The following FTSJ3 variants were observed in gnomAD, a reference collection of about 807,000 sequenced individuals.
FTSJ3 encodes FtsJ RNA 2'-O-methyltransferase 3.
A neutral mutation model predicts 111.5 loss-of-function variants in FTSJ3; 46 were observed. The observed-to-expected ratio is 0.41, with a 90% CI of 0.33 to 0.53. The LOEUF is 0.53. FTSJ3 is among the 20% of genes least tolerant of loss of function. The pLI is 0.19. For synonymous variants in FTSJ3, 408 were observed against 383.0 expected, an observed-to-expected ratio of 1.07 and a Z score of -0.76; for missense variants, 1,075 against 1,063.8, an observed-to-expected ratio of 1.01 and a Z score of -0.15.
At chr17:63,826,757 G>A (rs1458708463) in intron 2 of FTSJ3, 79 bp downstream of exon 2, 1 of 1,553,398 alleles carries the variant, frequency 6.4e-7, no homozygotes, top group Non-Finnish European at 8.9e-7. Flanking sequence ...TGCAGGAGAG[G>A]TACATAATGG....
At chr17:63,823,784 T>C in intron 13 of FTSJ3, 33 bp downstream of exon 13, 1 of 1,603,800 alleles carries the variant, frequency 6.2e-7, no homozygotes, top group Non-Finnish European at 8.5e-7. Context: ...GATCCTTCTG[T>C]CTCCTAAACC....
chr17:63,820,045 A>G (rs966356420), intron 20 of FTSJ3, 34 bp downstream of exon 20: 27 of 1,613,836 alleles, frequency 1.7e-5, no homozygotes, highest in African/African-American at 2.7e-5. Flanking sequence ...CTGCACTTTT[A>G]GCCCTGTGTA....
At chr17:63,823,749 C>A (rs936645762) in intron 13 of FTSJ3, 68 bp downstream of exon 13, 47 of 1,546,406 alleles carry the variant, frequency 3.0e-5, no homozygotes, top group East Asian at 2.7e-4. Context: ...ACATTCAACA[C>A]CCCCCACCTC....
rs757424604 is a variant in FTSJ3 at position 63,820,116 on chromosome 17, CCA to C, written c.2312_2313del (p.Val771GlyfsTer67). The C allele has an allele frequency of 1.9e-6, 3 of 1,614,018 alleles. No individual in the cohort carries two copies. The highest frequency in any genetic ancestry group is 2.5e-6 in the Non-Finnish European group (3 of 1,180,036). ...GCCACTTTCTCTCGTTCTGAGATGT[CCA>C]CTGTGTTCACCACGGCTTCTGCCTT... is the stretch of plus-strand genomic sequence containing the variant. ...RKKAEAVVNT[V>X]DISEREKVAQ... On this transcript the variant is annotated frameshift_variant, in exon 20 of 21. Transcript: ENST00000427159. LOFTEE classifies it high-confidence loss of function.
In FTSJ3 at chr17:63,822,003, C is replaced by T; in HGVS notation, c.1456G>A (p.Gly486Ser). The T allele has an allele frequency of 6.2e-7, 1 of 1,614,110 alleles. No individual in the cohort carries two copies. Reference protein sequence around the residue: ...EELAGVRGHQGLRDQKRMRLT... With the variant: ...EELAGVRGHQSLRDQKRMRLT... ...CCTTACCGCTTTTGGTCCCTTAGAC[C>T]CTGATGTCCCCTGACTCCTGCCAGC... The change falls in exon 14 of 21, where the codon GGT becomes AGT. Residue 486 changes from glycine to serine, a missense_variant. Physicochemically the swap from Gly to Ser is moderately conservative, Grantham distance 56. Transcript: ENST00000427159.
In FTSJ3 at chr17:63,821,404, C is replaced by T. The variant is rs781485517; in HGVS notation, c.1836G>A (p.Lys612=). The change falls in exon 16 of 21, where the codon AAG becomes AAA. Residue 612 remains lysine, a synonymous_variant. Coordinates refer to ENST00000427159, the MANE Select transcript of FTSJ3 (RefSeq NM_017647.4). The part of the protein sequence containing the change: ...EAATGLEGEE[K]DGISDSDSST... ...TGCTATCACTGTCTGAGATGCCATC[C>T]TTTTCTTCCCCTTCAAGGCCAGTGG... 1.2e-6 allele frequency: 2 copies of T among 1,614,022 alleles called. No homozygotes were observed. Among genetic ancestry groups the T allele is most frequent in the South Asian group, 1.1e-5 (1 of 91,058 alleles).
In FTSJ3 at chr17:63,820,168, C is replaced by T; in HGVS notation, c.2262G>A (p.Leu754=). 6.2e-7 allele frequency: 1 copy of T among 1,614,192 alleles called. No homozygotes were observed. The highest frequency in any genetic ancestry group is 1.7e-4 in the Middle Eastern group (1 of 6,060). ...EAKARKKRRM[L]KRLEQTRKKA... is the part of the protein sequence containing the mutation. Reference sequence around the variant, plus strand: ...TCTTCCTGGTCTGCTCCAGCCTCTTCAGCATCTGCAAAGGAACCTGTCAGG... The same window carrying T: ...TCTTCCTGGTCTGCTCCAGCCTCTTTAGCATCTGCAAAGGAACCTGTCAGG... The change falls in exon 20 of 21, where the codon CTG becomes CTA. Residue 754 remains leucine (L), a synonymous_variant. Transcript: ENST00000427159.
rs1330810970 is a variant in FTSJ3 at position 63,827,624 on chromosome 17, C to T, written c.-599G>A. The T allele has an allele frequency of 2.6e-6, 4 of 1,545,558 alleles. No homozygotes were observed. In the East Asian group the frequency reaches 7.3e-5, roughly 28 times the overall value. ...GGAGCGTCGGGTGGGTCGGAGGTGC[C>T]TGGACCAGTCCATGCTGGACGCTGC... On this transcript the variant is annotated 5_prime_UTR_variant, in exon 1 of 21. Transcript: ENST00000427159.
Position 63,827,603 on chromosome 17 carries a change from C to G in FTSJ3, c.-578G>C, listed in dbSNP as rs905025631. 6.5e-7 allele frequency: 1 copy of G among 1,549,500 alleles called. No individual in the cohort carries two copies. The highest frequency in any genetic ancestry group is 1.4e-5 in the African/African-American group (1 of 73,066). Reference sequence around the variant, plus strand: ...AGTGGAGAGCGGGCCGGGGCAGGAGCGTCGGGTGGGTCGGAGGTGCCTGGA... The same window carrying G: ...AGTGGAGAGCGGGCCGGGGCAGGAGGGTCGGGTGGGTCGGAGGTGCCTGGA... On this transcript the variant is annotated 5_prime_UTR_variant, in exon 1 of 21. Transcript: ENST00000427159.
intron 13 of FTSJ3, among the ~76,000 whole-genome samples, chr17:63,823,331 C>A (rs1756754672): frequency 6.6e-6 from 1 of 152,202 alleles, no homozygotes; most frequent in Non-Finnish European, 1.5e-5. Flanking sequence ...CGCGGTGGCT[C>A]ACGCCTGTAA....
In FTSJ3 at chr17:63,827,596, G is replaced by A. The variant is rs1043531222; in HGVS notation, c.-571C>T. The A allele has an allele frequency of 1.3e-6, 2 of 1,550,436 alleles. No individual in the cohort carries two copies. Among genetic ancestry groups the A allele is most frequent in the Non-Finnish European group, 1.7e-6 (2 of 1,146,478 alleles). Reference sequence around the variant, plus strand: ...TGATCTGAGTGGAGAGCGGGCCGGGGCAGGAGCGTCGGGTGGGTCGGAGGT... The same window carrying A: ...TGATCTGAGTGGAGAGCGGGCCGGGACAGGAGCGTCGGGTGGGTCGGAGGT... On this transcript the variant is annotated 5_prime_UTR_variant, in exon 1 of 21. Transcript: ENST00000427159.
At chr17:63,825,832 G>T in intron 5 of FTSJ3, 197 bp from the exon 6 acceptor site, 1 of 630,154 alleles carries the variant, frequency 1.6e-6, no homozygotes, top group African/African-American at 1.8e-5. Flanking sequence ...CACAGGAGAA[G>T]ACTTCACTAA....
chr17:63,820,055 A>T, intron 20 of FTSJ3, 24 bp downstream of exon 20: 1 of 1,613,870 alleles, frequency 6.2e-7, no homozygotes, highest in Non-Finnish European at 8.5e-7. Context: ...AGCCCTGTGT[A>T]CCTTTGTGGT....
intron 16 of FTSJ3, 45 bp from the exon 17 acceptor site, chr17:63,821,160 A>G: frequency 3.1e-6 from 5 of 1,595,638 alleles, no homozygotes; most frequent in Non-Finnish European, 4.3e-6. Flanking sequence ...ACTCTGTACT[A>G]CTCAGACCGC....
chr17:63,822,076 C>G lies in FTSJ3; in HGVS notation c.1383G>C (p.Glu461Asp), dbSNP rs2040057178. The G allele has an allele frequency of 7.4e-6, 12 of 1,614,090 alleles. 1 individual carries two copies. Among genetic ancestry groups the G allele is most frequent in the South Asian group, 3.3e-5 (3 of 91,090 alleles). ...PRDDIYVSDV[E>D]DDGDDTSLDS... ...CCAGAGATGTGTCATCACCGTCGTC[C>G]TCAACATCTGACACATAGATATCAT... The change falls in exon 14 of 21, where the codon GAG becomes GAC. Residue 461 changes from glutamate to aspartate, a missense_variant. Transcript: ENST00000427159.
chr17:63,826,684 A>C lies in FTSJ3; in HGVS notation c.68-12T>G, dbSNP rs1206577707. ...TCGGGAACGGTAACCTGGACAAAACAACCAAGTGCGCAAACTGCTTCACTA... is the reference window on the plus strand; with the variant it reads ...TCGGGAACGGTAACCTGGACAAAACCACCAAGTGCGCAAACTGCTTCACTA... On this transcript the variant is annotated splice_polypyrimidine_tract_variant and intron_variant, in intron 2 of 20. Coordinates refer to ENST00000427159, the MANE Select transcript of FTSJ3 (RefSeq NM_017647.4). 33 of 1,608,900 alleles carry C rather than the reference A, an allele frequency of 2.1e-5. No individual in the cohort carries two copies. Among genetic ancestry groups the C allele is most frequent in the Non-Finnish European group, 2.6e-5 (31 of 1,175,860 alleles).
At position 63,827,596 on chromosome 17, in the gene FTSJ3, G is replaced by T; in HGVS notation, c.-571C>A. 1 of 1,550,436 alleles carries T rather than the reference G, an allele frequency of 6.4e-7. No individual in the cohort carries two copies. The highest frequency in any genetic ancestry group is 8.7e-7 in the Non-Finnish European group (1 of 1,146,478). Reference sequence around the variant, plus strand: ...TGATCTGAGTGGAGAGCGGGCCGGGGCAGGAGCGTCGGGTGGGTCGGAGGT... The same window carrying T: ...TGATCTGAGTGGAGAGCGGGCCGGGTCAGGAGCGTCGGGTGGGTCGGAGGT... On this transcript the variant is annotated 5_prime_UTR_variant, in exon 1 of 21. An upstream open reading frame in the 5' UTR gains an earlier in-frame stop. Coordinates refer to ENST00000427159, the MANE Select transcript of FTSJ3 (RefSeq NM_017647.4).
rs1463818966 is a variant in FTSJ3 at position 63,820,416 on chromosome 17, C to T, written c.2095G>A (p.Gly699Arg). ...FNRYTFNEDE[G>R]ELPEWFVQEE... ...TGCACAAACCACTCCGGAAGCTCCC[C>T]CTCATCCTCATTAAATGTGTACCTG... The change falls in exon 19 of 21, where the codon GGG (glycine) becomes AGG (arginine). Residue 699 changes from glycine (G) to arginine (R), a missense_variant. Around this residue, in one of 2 missense-constraint regions of FTSJ3, gnomAD observed 867 missense variants for 796.9 expected, o/e 1.09. Coordinates refer to ENST00000427159, the MANE Select transcript of FTSJ3 (RefSeq NM_017647.4). 1.2e-6 allele frequency: 2 copies of T among 1,614,112 alleles called. No individual in the cohort carries two copies. The highest frequency in any genetic ancestry group is 1.7e-5 in the Admixed American group (1 of 59,988).
At position 63,824,855 on chromosome 17, in the gene FTSJ3, G is replaced by A. The variant is rs368668291; in HGVS notation, c.786C>T (p.Asn262=). 3 of 1,605,898 alleles carry A rather than the reference G, an allele frequency of 1.9e-6. No individual in the cohort carries two copies. Among genetic ancestry groups the A allele is most frequent in the Non-Finnish European group, 2.6e-6 (3 of 1,175,006 alleles). ...TGGCCTTGGAGAGGAAGTCAACAGG[G>A]TTGGCAGCTCGGAGGAAGTCAGTGA... is the stretch of plus-strand genomic sequence containing the variant. ...TSVTDFLRAA[N]PVDFLSKASE... Residue 262 remains asparagine (N), a synonymous_variant, in exon 9 of 21, where the codon AAC becomes AAT. Coordinates refer to ENST00000427159, the MANE Select transcript of FTSJ3 (RefSeq NM_017647.4).
Sources: allele counts gnomAD v4.1 joint callset (sites outside exome capture counted in the v4.1 genomes callset), GRCh38; gene constraint gnomAD v4.1.1; regional missense constraint gnomAD v4.1.1; transcripts MANE v1.5; gene names NCBI Gene and HGNC (gene_info 2026-07-23, HGNC 2026-07-21).